Variants in CREBBP observed in about 807,000 individuals in gnomAD.
The protein encoded by CREBBP is CREB binding lysine acetyltransferase, also known as CREB-binding protein.
A neutral mutation model predicts 265.0 loss-of-function variants in CREBBP; 19 were observed. The observed-to-expected ratio is 0.07, with a 90% CI of 0.05 to 0.11. The LOEUF is 0.11. Ranked by LOEUF, CREBBP falls within the 10% of genes least tolerant of loss-of-function variation. The pLI, the probability that CREBBP is intolerant of heterozygous loss-of-function variation, is 1.00. For missense variants in CREBBP, 2,525 were observed against 3,219.0 expected, an observed-to-expected ratio of 0.78 and a Z score of 5.22; for synonymous variants, 1,457 against 1,223.7, an observed-to-expected ratio of 1.19 and a Z score of -3.98.
intron 3 of CREBBP, among the ~76,000 whole-genome samples, chr16:3,797,757 C>T (rs1161804484): frequency 2.6e-5 from 4 of 151,558 alleles, no homozygotes; most frequent in Non-Finnish European, 5.9e-5. Flanking sequence ...ATCTTTGATC[C>T]TTATCTTCCC....
At chr16:3,825,392 C>T (rs1186039839) in intron 2 of CREBBP, among the ~76,000 whole-genome samples, 1 of 152,212 alleles carries the variant, frequency 6.6e-6, no homozygotes, top group East Asian at 1.9e-4. Context: ...CACAGTGCCA[C>T]ATTCTTATCC....
At position 3,780,772 on chromosome 16, in the gene CREBBP, G is replaced by C. The variant is rs752795020; in HGVS notation, c.1783C>G (p.His595Asp). ...STGVRKGWHE[H>D]VTQDLRSHLV... is the part of the protein sequence containing the mutation. ...TGGCTCCGCAGGTCCTGAGTGACATGTTCGTGCCAGCCTTTCCTTACACCG... is the reference window on the plus strand; with the variant it reads ...TGGCTCCGCAGGTCCTGAGTGACATCTTCGTGCCAGCCTTTCCTTACACCG... Residue 595 changes from histidine to aspartate, a missense_variant, in exon 8 of 31, where the codon CAT (histidine) becomes GAT (aspartate). Transcript: ENST00000262367. The C allele has an allele frequency of 6.2e-7, 1 of 1,614,100 alleles. No homozygotes were observed. Among genetic ancestry groups the C allele is most frequent in the South Asian group, 1.1e-5 (1 of 91,074 alleles).
chr16:3,831,927 G>A (rs1044276298), intron 2 of CREBBP, among the ~76,000 whole-genome samples: 7 of 152,030 alleles, frequency 4.6e-5, no homozygotes, highest in Admixed American at 3.3e-4. Context: ...AACCCAGGAC[G>A]TGGAGGCTGC....
In CREBBP at chr16:3,770,827, G is replaced by A. The variant is rs1242554712; in HGVS notation, c.2623C>T (p.Pro875Ser). The change falls in exon 14 of 31, where the codon CCT (proline) becomes TCT (serine). Residue 875 changes from proline to serine, a missense_variant. Physicochemically the swap from Pro to Ser is moderately conservative, Grantham distance 74. This residue lies in a region of CREBBP where 548 missense variants were observed against 533.0 expected (regional missense o/e 1.03). Coordinates refer to ENST00000262367, the MANE Select transcript of CREBBP (RefSeq NM_004380.3). ...GCTGGCTGGGGAGGAGTCATCCCAG[G>A]TGGTGTCGTGTGCTGGAGAGATGGC... ...GMPSLQHTTP[P>S]GMTPPQPAAP... 6.2e-7 allele frequency: 1 copy of A among 1,614,070 alleles called. No individual in the cohort carries two copies. Among genetic ancestry groups the A allele is most frequent in the Non-Finnish European group, 8.5e-7 (1 of 1,180,014 alleles).
chr16:3,857,394 T>G (rs926557148), intron 1 of CREBBP, among the ~76,000 whole-genome samples: 1 of 152,206 alleles, frequency 6.6e-6, no homozygotes, highest in Non-Finnish European at 1.5e-5. Flanking sequence ...AAAGGCAAGA[T>G]AGGGCGCACA....
intron 14 of CREBBP, among the ~76,000 whole-genome samples, chr16:3,769,884 T>C (rs1023859412): frequency 6.6e-6 from 1 of 152,164 alleles, no homozygotes; most frequent in Admixed American, 6.5e-5. Context: ...AATTTTTTTT[T>C]TTTTGAGACG....
At chr16:3,871,082 G>GAA (rs2055284908) in intron 1 of CREBBP, among the ~76,000 whole-genome samples, 1 of 145,852 alleles carries the variant, frequency 6.9e-6, no homozygotes, top group Non-Finnish European at 1.5e-5. Context: ...GGAAGGAAAA[G>GAA]AGAAAGAAAG....
intron 16 of CREBBP, among the ~76,000 whole-genome samples, chr16:3,760,478 C>T (rs1441874929): frequency 1.4e-5 from 2 of 140,806 alleles, no homozygotes; most frequent in Admixed American, 7.6e-5. Flanking sequence ...TCTCGGCTCA[C>T]AGCAACCTCA....
At chr16:3,759,243 A>T (rs2052654726) in intron 16 of CREBBP, among the ~76,000 whole-genome samples, 1 of 152,202 alleles carries the variant, frequency 6.6e-6, no homozygotes, top group African/African-American at 2.4e-5. Context: ...GCTGAAAAAG[A>T]AAGTAAAGCT....
chr16:3,873,731 C>G (rs962662027), intron 1 of CREBBP, among the ~76,000 whole-genome samples: 2 of 152,160 alleles, frequency 1.3e-5, no homozygotes, highest in Admixed American at 6.5e-5. Flanking sequence ...CCCAAACATG[C>G]TCTGGCCTCA....
chr16:3,820,754 G>A (rs147109892), intron 2 of CREBBP, among the ~76,000 whole-genome samples: 110 of 152,154 alleles, frequency 7.2e-4, no homozygotes, highest in African/African-American at 1.7e-3. Flanking sequence ...CAGCTATTTC[G>A]GAGGCTGAGG....
rs146217107 is a variant in CREBBP, at chr16:3,735,710, A to G, written c.4728+326T>C. Among the ~76,000 whole-genome samples, 83 of 152,274 alleles carry G rather than the reference A, an allele frequency of 5.5e-4. No homozygotes were observed. The East Asian group carries it at 0.014, about 25-fold the overall frequency. Reference sequence around the variant, plus strand: ...GCAGAGTGGCCACCAAACACGGAATAAGGCCTGGCAACCCTGTGCCTCCTC... The same window carrying G: ...GCAGAGTGGCCACCAAACACGGAATGAGGCCTGGCAACCCTGTGCCTCCTC... On this transcript the variant is annotated intron_variant, in intron 28 of 30. Coordinates refer to ENST00000262367, the MANE Select transcript of CREBBP (RefSeq NM_004380.3).
intron 22 of CREBBP, 83 bp from the exon 23 acceptor site, chr16:3,745,044 G>A (rs1013281829): frequency 2.7e-5 from 29 of 1,090,010 alleles, no homozygotes; most frequent in Non-Finnish European, 9.9e-6. Flanking sequence ...CAGATAGTTT[G>A]TTGGCAGTTT....
intron 2 of CREBBP, among the ~76,000 whole-genome samples, chr16:3,824,145 C>T (rs985592083): frequency 1.5e-4 from 23 of 152,214 alleles, no homozygotes; most frequent in African/African-American, 5.1e-4. Flanking sequence ...CCACCAACAT[C>T]GACTGCTAAA....
chr16:3,800,498 C>CT (rs2053691697), intron 3 of CREBBP, among the ~76,000 whole-genome samples: 1 of 152,006 alleles, frequency 6.6e-6, no homozygotes, highest in South Asian at 2.1e-4. Flanking sequence ...TTAATTTAGA[C>CT]TTTTCCCAAT....
intron 28 of CREBBP, among the ~76,000 whole-genome samples, chr16:3,733,275 T>TCACC (rs964667288): frequency 2.0e-5 from 3 of 147,088 alleles, no homozygotes; most frequent in African/African-American, 7.6e-5. Flanking sequence ...GGCAGGAGAA[T>TCACC]GGTGTGAACC....
In CREBBP at chr16:3,777,816, A is replaced by G. The variant is rs559372238; in HGVS notation, c.2114-159T>C. The stretch of plus-strand genomic sequence containing the variant: ...GTGTTCCAATGCCAGCGCACCCTGT[A>G]AAGGGCCTTCCCAAGAGAGAAACTC... On this transcript the variant is annotated intron_variant, in intron 10 of 30. Coordinates refer to ENST00000262367, the MANE Select transcript of CREBBP (RefSeq NM_004380.3). 1.4e-4 allele frequency: 155 copies of G among 1,075,842 alleles called. No individual in the cohort carries two copies. In the African/African-American group the frequency reaches 2.3e-3, roughly 16 times the overall value. 66.6% of individuals were successfully genotyped at this position (1,075,842 alleles called of 1,614,324 possible). A position where few individuals can be genotyped will look rare whatever the true frequency, so the allele number is the denominator to read the frequency against.
intron 17 of CREBBP, 26 bp from the exon 18 acceptor site, chr16:3,758,074 T>C: frequency 6.2e-7 from 1 of 1,610,374 alleles, no homozygotes; most frequent in Non-Finnish European, 8.5e-7. Context: ...ATGGTCTCAG[T>C]ATAGGGAATC....
intron 1 of CREBBP, among the ~76,000 whole-genome samples, chr16:3,853,688 G>C (rs1300871189): frequency 6.6e-6 from 1 of 152,046 alleles, no homozygotes; most frequent in Non-Finnish European, 1.5e-5. Context: ...TGTAATCCCA[G>C]CACTTTGGGA....
Sources: allele counts gnomAD v4.1 joint callset (sites outside exome capture counted in the v4.1 genomes callset), GRCh38; gene constraint gnomAD v4.1.1; regional missense constraint gnomAD v4.1.1; transcripts MANE v1.5; gene names NCBI Gene and HGNC (gene_info 2026-07-23, HGNC 2026-07-21).